Variants in SUSD1 observed in about 807,000 individuals in gnomAD.
The protein encoded by SUSD1 is sushi domain-containing protein 1.
SUSD1 carries 65 observed loss-of-function variants against 86.9 expected under a neutral mutation model. The observed-to-expected ratio is 0.75, with a 90% CI of 0.61 to 0.92. The LOEUF (loss-of-function observed/expected upper bound fraction) is 0.92. SUSD1 is among the 40% of genes least tolerant of loss of function. SUSD1 has a pLI of 0.00. For missense variants in SUSD1, 850 were observed against 929.7 expected, an observed-to-expected ratio of 0.91 and a Z score of 1.11; for synonymous variants, 346 against 350.0, an observed-to-expected ratio of 0.99 and a Z score of 0.13.
intron 6 of SUSD1, among the ~76,000 whole-genome samples, chr9:112,115,652 C>A (rs1831280506): frequency 6.6e-6 from 1 of 151,246 alleles, no homozygotes; most frequent in South Asian, 2.1e-4. Context: ...ACTAAAAATA[C>A]AAAAAAATTA....
chr9:112,133,782 C>T (rs2131721422), intron 5 of SUSD1, among the ~76,000 whole-genome samples: 1 of 152,274 alleles, frequency 6.6e-6, no homozygotes, highest in East Asian at 1.9e-4. Flanking sequence ...AACTGATAGC[C>T]TACAGAATGG....
rs149012850 is a variant in SUSD1, at chr9:112,100,689, G to A, written c.1281+1487C>T. Among the ~76,000 whole-genome samples, 232 of 151,834 alleles carry A rather than the reference G, an allele frequency of 1.5e-3. 5 individuals carry two copies. The East Asian group carries it at 0.032, about 21-fold the overall frequency. ...TTTACCAAAAATACAAAAATTAGCT[G>A]GGCATGGTGGGGCATGCCTGGAATC... On this transcript the variant is annotated intron_variant, in intron 9 of 16. Transcript: ENST00000374270.
At chr9:112,052,468 G>T (rs375268427) in intron 14 of SUSD1, 30 bp from the exon 15 acceptor site, 1 of 1,613,496 alleles carries the variant, frequency 6.2e-7, no homozygotes, top group Non-Finnish European at 8.5e-7. Context: ...AATGCATTTA[G>T]CTAGGTGGCA....
intron 15 of SUSD1, among the ~76,000 whole-genome samples, chr9:112,051,263 C>G (rs1275363620): frequency 6.6e-6 from 1 of 152,176 alleles, no homozygotes. Flanking sequence ...TGGACTTGAC[C>G]AAGAGGAAGA....
At chr9:112,079,588 C>T (rs1356322488) in intron 11 of SUSD1, among the ~76,000 whole-genome samples, 2 of 149,714 alleles carry the variant, frequency 1.3e-5, no homozygotes, top group African/African-American at 5.0e-5. Context: ...AGAAGTTCAT[C>T]CCAGTCTTCC....
At chr9:112,114,455 C>A (rs576531633) in intron 6 of SUSD1, among the ~76,000 whole-genome samples, 88 of 152,288 alleles carry the variant, frequency 5.8e-4, no homozygotes, top group African/African-American at 1.8e-3. Context: ...TGCACTCCAG[C>A]CTGGGTGACA....
Position 112,065,623 on chromosome 9 carries a change from T to C in SUSD1, c.1754-2590A>G, listed in dbSNP as rs373204435. ...GCCACAATTACTGCAGAGTTAGAGG[T>C]CTACCCAGTGTGGCTCACATCAGAG... On this transcript the variant is annotated intron_variant, in intron 12 of 16. Coordinates refer to ENST00000374270, the MANE Select transcript of SUSD1 (RefSeq NM_022486.5). Among the ~76,000 whole-genome samples, 10 of 152,236 alleles carry C rather than the reference T, an allele frequency of 6.6e-5. No homozygotes were observed. In the South Asian group the frequency reaches 2.1e-3, roughly 32 times the overall value.
At chr9:112,108,792 G>GAAAA (rs1380642660) in intron 8 of SUSD1, among the ~76,000 whole-genome samples, 1 of 66,622 alleles carries the variant, frequency 1.5e-5, no homozygotes, top group African/African-American at 6.0e-5. Context: ...AAAAAAAAAA[G>GAAAA]AAAAAAAAGA....
intron 12 of SUSD1, 59 bp downstream of exon 12, chr9:112,078,479 G>T: frequency 6.8e-7 from 1 of 1,478,270 alleles, no homozygotes; most frequent in South Asian, 1.3e-5. Context: ...TCTTTATCAG[G>T]ACCTATGAAC....
At chr9:112,082,402 A>G (rs182583414) in intron 10 of SUSD1, among the ~76,000 whole-genome samples, 41 of 152,320 alleles carry the variant, frequency 2.7e-4, no homozygotes, top group Admixed American at 2.0e-3. Context: ...ATTATCCTGA[A>G]TTGTCCAGAT....
intron 2 of SUSD1, among the ~76,000 whole-genome samples, chr9:112,152,392 G>GT (rs911724169): frequency 1.3e-5 from 2 of 150,486 alleles, no homozygotes; most frequent in African/African-American, 4.9e-5. Flanking sequence ...ATTCTATATG[G>GT]TTTTTTTTGT....
intron 9 of SUSD1, among the ~76,000 whole-genome samples, chr9:112,100,150 T>C (rs1021471215): frequency 6.6e-6 from 1 of 152,220 alleles, no homozygotes. Flanking sequence ...AATTTAAAAG[T>C]GTTTCACATG....
At chr9:112,070,415 C>T (rs1326497177) in intron 12 of SUSD1, among the ~76,000 whole-genome samples, 1 of 152,230 alleles carries the variant, frequency 6.6e-6, no homozygotes, top group African/African-American at 2.4e-5. Context: ...TGACTTTCAG[C>T]TGAATTTTCC....
chr9:112,063,123 A>C, intron 12 of SUSD1, 90 bp from the exon 13 acceptor site: 1 of 782,908 alleles, frequency 1.3e-6, no homozygotes, highest in Non-Finnish European at 2.2e-6. Context: ...TATCAAAAAG[A>C]AAGTTTTAAT....
chr9:112,134,172 T>C (rs1832157046), intron 5 of SUSD1, among the ~76,000 whole-genome samples: 2 of 152,150 alleles, frequency 1.3e-5, no homozygotes, highest in Admixed American at 1.3e-4. Context: ...CTCAAAGAGC[T>C]TAAAACAGAA....
At chr9:112,129,029 G>A (rs1050346203) in intron 5 of SUSD1, among the ~76,000 whole-genome samples, 1 of 152,204 alleles carries the variant, frequency 6.6e-6, no homozygotes, top group African/African-American at 2.4e-5. Flanking sequence ...CACTTTGGCT[G>A]TTAGGTAGAG....
At chr9:112,122,090 G>A (rs1831578829) in intron 6 of SUSD1, among the ~76,000 whole-genome samples, 2 of 152,182 alleles carry the variant, frequency 1.3e-5, no homozygotes, top group Admixed American at 1.3e-4. Context: ...TATAGATGAG[G>A]AAACCGAGGC....
intron 10 of SUSD1, among the ~76,000 whole-genome samples, chr9:112,088,323 C>T (rs974127946): frequency 3.3e-5 from 5 of 151,756 alleles, no homozygotes; most frequent in African/African-American, 7.3e-5. Context: ...AAAGATGGGG[C>T]GAGGCGGAAG....
At position 112,105,261 on chromosome 9, in the gene SUSD1, C is replaced by T. The variant is rs776344727; in HGVS notation, c.1172-2976G>A. On this transcript the variant is annotated intron_variant, in intron 8 of 16. Transcript: ENST00000374270. Reference sequence around the variant, plus strand: ...AGAAGGCAGAGGAAAAAGACATGGACGATAAAAAGGAGAAAATGGGAAACC... The same window carrying T: ...AGAAGGCAGAGGAAAAAGACATGGATGATAAAAAGGAGAAAATGGGAAACC... 2.0e-4 allele frequency among the ~76,000 whole-genome samples: 30 copies of T among 150,908 alleles called. 1 individual carries two copies. The highest frequency in any genetic ancestry group is 6.1e-4 in the African/African-American group (25 of 41,024).
Sources: gnomAD v4.1 joint callset for allele counts (sites outside exome capture counted in the v4.1 genomes callset) on GRCh38, gnomAD v4.1.1 for gene constraint, MANE v1.5 for transcripts, NCBI Gene and HGNC (gene_info 2026-07-23, HGNC 2026-07-21) for gene names.